Variants in RAPGEF4 observed in about 807,000 individuals in gnomAD.
RAPGEF4 encodes the protein RAP guanine-nucleotide-exchange factor (GEF) 4.
Under a neutral mutation model 147.9 loss-of-function variants are expected in RAPGEF4, and 66 were observed. The ratio of observed to expected loss-of-function variants is 0.45; its 90% CI spans 0.37 to 0.55. The LOEUF (loss-of-function observed/expected upper bound fraction) is 0.55. Ranked by LOEUF, RAPGEF4 falls within the 20% of genes least tolerant of loss-of-function variation. The pLI is 0.00. For missense variants in RAPGEF4, 1,071 were observed against 1,257.3 expected (o/e 0.85, Z 2.24); for synonymous variants, 419 against 442.7 (o/e 0.95, Z 0.67).
At chr2:172,925,363 T>G (rs1685181980) in intron 6 of RAPGEF4, among the ~76,000 whole-genome samples, 1 of 152,198 alleles carries the variant, frequency 6.6e-6, no homozygotes, top group African/African-American at 2.4e-5. Flanking sequence ...ATTCTCAGAC[T>G]CAGGCTTACC....
At chr2:173,016,260 T>G in intron 18 of RAPGEF4, 89 bp from the exon 19 acceptor site, 1 of 843,856 alleles carries the variant, frequency 1.2e-6, no homozygotes, top group South Asian at 1.6e-5. Flanking sequence ...GTGAAGCAGA[T>G]GACATAGGGA....
intron 2 of RAPGEF4, among the ~76,000 whole-genome samples, chr2:172,796,574 T>G (rs1292971828): frequency 6.6e-6 from 1 of 151,966 alleles, no homozygotes; most frequent in Non-Finnish European, 1.5e-5. Flanking sequence ...TAGGCTGGAG[T>G]GCAGTGGTGC....
intron 10 of RAPGEF4, among the ~76,000 whole-genome samples, chr2:172,968,991 G>A (rs1690170233): frequency 1.3e-5 from 2 of 152,170 alleles, no homozygotes; most frequent in Non-Finnish European, 2.9e-5. Flanking sequence ...CAGTGGTTCT[G>A]AATCAAGGTG....
intron 4 of RAPGEF4, chr2:172,917,565 A>G: frequency 1.5e-6 from 1 of 677,082 alleles, no homozygotes; most frequent in Non-Finnish European, 2.7e-6. Context: ...ATATAAATGA[A>G]CTGGCGGAGA....
chr2:172,829,508 A>G (rs1294108122), intron 4 of RAPGEF4, among the ~76,000 whole-genome samples: 1 of 152,208 alleles, frequency 6.6e-6, no homozygotes, highest in African/African-American at 2.4e-5. Context: ...TTACATTTGC[A>G]AGGCGGGTCT....
intron 15 of RAPGEF4, among the ~76,000 whole-genome samples, chr2:172,995,113 T>C (rs957325061): frequency 3.2e-4 from 28 of 86,212 alleles, no homozygotes; most frequent in African/African-American, 8.0e-4. Flanking sequence ...GATTTAACAA[T>C]ATGTTAAGAG....
At chr2:173,008,412 G>T (rs977172164) in intron 17 of RAPGEF4, among the ~76,000 whole-genome samples, 1 of 152,118 alleles carries the variant, frequency 6.6e-6, no homozygotes, top group Non-Finnish European at 1.5e-5. Flanking sequence ...TATATATGTT[G>T]CTGTTATTAT....
intron 1 of RAPGEF4, among the ~76,000 whole-genome samples, chr2:172,739,896 C>T (rs1694157819): frequency 6.6e-6 from 1 of 152,112 alleles, no homozygotes; most frequent in African/African-American, 2.4e-5. Flanking sequence ...GACAGCTTGC[C>T]CGTATGTCTC....
chr2:172,967,390 T>A lies in RAPGEF4; in HGVS notation c.950T>A (p.Leu317Gln), dbSNP rs761870255. The change falls in exon 10 of 31, where the codon CTG becomes CAG. Residue 317 changes from leucine (L) to glutamine (Q), a missense_variant. Physicochemically the swap from Leu to Gln is moderately radical, Grantham distance 113 (BLOSUM62 -2). Coordinates refer to ENST00000397081, the MANE Select transcript of RAPGEF4 (RefSeq NM_007023.4). ...ECDEELQDTM[L>Q]LLSQMGPDAH... ...GATGAGGAGCTCCAGGACACCATGC[T>A]GCTGCTGTCACAGATGGGCCCCGAC... 12 of 1,611,910 alleles carry A rather than the reference T, an allele frequency of 7.4e-6. No homozygotes were observed. Among genetic ancestry groups the A allele is most frequent in the Non-Finnish European group, 1.0e-5 (12 of 1,179,826 alleles).
intron 6 of RAPGEF4, among the ~76,000 whole-genome samples, chr2:172,946,832 G>T (rs954950400): frequency 5.9e-5 from 9 of 152,174 alleles, no homozygotes; most frequent in African/African-American, 1.9e-4. Context: ...GCATCCCTCT[G>T]ACCTTGAGAA....
At chr2:172,760,395 A>G (rs552510869) in intron 1 of RAPGEF4, among the ~76,000 whole-genome samples, 5 of 152,382 alleles carry the variant, frequency 3.3e-5, no homozygotes, top group African/African-American at 1.2e-4. Context: ...TGGAAATTTT[A>G]GAACTGAAAA....
At chr2:172,953,693 G>A (rs1203365171) in intron 6 of RAPGEF4, among the ~76,000 whole-genome samples, 1 of 152,156 alleles carries the variant, frequency 6.6e-6, no homozygotes, top group Non-Finnish European at 1.5e-5. Flanking sequence ...TCATGTACAT[G>A]TTTTAAATGT....
chr2:172,915,467 G>A (rs983273385), intron 4 of RAPGEF4, among the ~76,000 whole-genome samples: 4 of 151,802 alleles, frequency 2.6e-5, no homozygotes, highest in African/African-American at 9.7e-5. Context: ...TTGGGAGGCC[G>A]AGGCGGGTGG....
At chr2:173,035,443 A>G (rs938334695) in intron 27 of RAPGEF4, among the ~76,000 whole-genome samples, 1 of 151,242 alleles carries the variant, frequency 6.6e-6, no homozygotes, top group Non-Finnish European at 1.5e-5. Context: ...CTCGGGAGGC[A>G]GAGCTTGCAG....
chr2:172,885,306 C>T (rs1235948975), intron 4 of RAPGEF4, among the ~76,000 whole-genome samples: 1 of 152,210 alleles, frequency 6.6e-6, no homozygotes, highest in Non-Finnish European at 1.5e-5. Flanking sequence ...TCCTCCCTGC[C>T]TCACTTTCCT....
intron 3 of RAPGEF4, among the ~76,000 whole-genome samples, chr2:172,806,094 G>A (rs1574899816): frequency 6.6e-6 from 1 of 150,646 alleles, no homozygotes; most frequent in African/African-American, 2.4e-5. Flanking sequence ...GGAGAGAGAA[G>A]GTCCTGTTTT....
intron 4 of RAPGEF4, among the ~76,000 whole-genome samples, chr2:172,885,643 C>T (rs1459908023): frequency 6.6e-6 from 1 of 152,176 alleles, no homozygotes; most frequent in Non-Finnish European, 1.5e-5. Flanking sequence ...ACAAAACTAT[C>T]AGCTCTCATG....
At chr2:172,759,621 A>T (rs1433742430) in intron 1 of RAPGEF4, among the ~76,000 whole-genome samples, 1 of 152,222 alleles carries the variant, frequency 6.6e-6, no homozygotes, top group African/African-American at 2.4e-5. Context: ...AATAAACAAC[A>T]TATGGTTCAT....
At chr2:172,911,674 G>T (rs993709524) in intron 4 of RAPGEF4, among the ~76,000 whole-genome samples, 1 of 151,236 alleles carries the variant, frequency 6.6e-6, no homozygotes, top group African/African-American at 2.4e-5. Context: ...GGCCAGGCAG[G>T]TCTCAAACTC....
Sources: allele counts gnomAD v4.1 joint callset (sites outside exome capture counted in the v4.1 genomes callset), GRCh38; gene constraint gnomAD v4.1.1; transcripts MANE v1.5; gene names NCBI Gene and HGNC (gene_info 2026-07-23, HGNC 2026-07-21).